The following DNAH7 variants were observed in gnomAD, a reference collection of about 807,000 sequenced individuals.
DNAH7 encodes the protein dynein axonemal heavy chain 7.
In DNAH7, 397 loss-of-function variants were observed where a neutral mutation model predicts 444.6. The ratio of observed to expected loss-of-function variants is 0.89; its 90% CI spans 0.82 to 0.97. The LOEUF (loss-of-function observed/expected upper bound fraction) is 0.97. Among genes scored for constraint, DNAH7 ranks in the 50% least tolerant of loss-of-function variants. The pLI, the probability that DNAH7 is intolerant of heterozygous loss-of-function variation, is 0.00. For synonymous variants in DNAH7, 1,636 were observed against 1,624.4 expected (o/e 1.01, Z -0.17); for missense variants, 4,902 against 4,800.8 (o/e 1.02, Z -0.62).
intron 62 of DNAH7, 116 bp from the exon 63 acceptor site, chr2:195,754,630 C>A: frequency 1.0e-6 from 1 of 976,270 alleles, no homozygotes; most frequent in Non-Finnish European, 1.5e-6. Flanking sequence ...CTCACCTCAG[C>A]CTCCCAAGTA....
chr2:195,934,656 C>G lies in DNAH7; in HGVS notation c.3406G>C (p.Ala1136Pro). 3 of 1,614,108 alleles carry G rather than the reference C, an allele frequency of 1.9e-6. No homozygotes were observed. Among genetic ancestry groups the G allele is most frequent in the Non-Finnish European group, 2.5e-6 (3 of 1,179,976 alleles). ...AACCACTTCTCCACTTGACCTCTGG[C>G]TTTGGCTGTTGAAATAATCTCTATG... ...ELIEIISTAK[A>P]RGQVEKWLVE... Residue 1136 changes from alanine (A) to proline (P), a missense_variant, in exon 21 of 65, where the codon GCC becomes CCC. Ala to Pro is a conservative substitution (Grantham distance 27). Transcript: ENST00000312428.
At chr2:195,749,785 G>T (rs1049725502) in intron 63 of DNAH7, among the ~76,000 whole-genome samples, 1 of 149,446 alleles carries the variant, frequency 6.7e-6, no homozygotes, top group Non-Finnish European at 1.5e-5. Context: ...TGAACAATGA[G>T]GACACATGGA....
intron 15 of DNAH7, among the ~76,000 whole-genome samples, chr2:195,983,508 T>C (rs913560941): frequency 4.6e-5 from 7 of 152,080 alleles, no homozygotes; most frequent in Non-Finnish European, 1.0e-4. Flanking sequence ...TTTTTAATAA[T>C]CAGATCTCAA....
rs1006257307 is a variant in DNAH7, at chr2:195,813,546, T to C, written c.9761+3082A>G. On this transcript the variant is annotated intron_variant, in intron 51 of 64. Coordinates refer to ENST00000312428, the MANE Select transcript of DNAH7 (RefSeq NM_018897.3). ...CAAGTTGCAAAACTACCTCCTGTCATACAGATACGAAAAGTTTGGTTTTCC... is the reference window on the plus strand; with the variant it reads ...CAAGTTGCAAAACTACCTCCTGTCACACAGATACGAAAAGTTTGGTTTTCC... Among the ~76,000 whole-genome samples, 21 of 152,218 alleles carry C rather than the reference T, an allele frequency of 1.4e-4. 1 individual carries two copies. The highest frequency in any genetic ancestry group is 2.6e-4 in the Non-Finnish European group (18 of 68,034).
intron 5 of DNAH7, among the ~76,000 whole-genome samples, chr2:196,035,992 T>C (rs966660065): frequency 1.3e-5 from 2 of 150,562 alleles, no homozygotes; most frequent in Non-Finnish European, 2.9e-5. Context: ...GATTATATCC[T>C]GTCCTTGGTA....
At chr2:196,027,001 T>C in intron 6 of DNAH7, 61 bp from the exon 7 acceptor site, 2 of 1,326,606 alleles carry the variant, frequency 1.5e-6, no homozygotes, top group South Asian at 1.6e-5. Context: ...TTATCAAAAA[T>C]AAAACTACCA....
At chr2:195,875,649 A>G (rs750522501) in intron 38 of DNAH7, 26 bp downstream of exon 38, 2 of 1,533,704 alleles carry the variant, frequency 1.3e-6, no homozygotes, top group African/African-American at 1.4e-5. Flanking sequence ...TTTCCATCTT[A>G]GTAATCACAA....
At chr2:195,895,622 G>A (rs983207902) in intron 29 of DNAH7, among the ~76,000 whole-genome samples, 3 of 152,022 alleles carry the variant, frequency 2.0e-5, no homozygotes, top group Non-Finnish European at 4.4e-5. Flanking sequence ...AAATAAAACC[G>A]TCAAAATAAC....
At chr2:195,956,484 C>G (rs570069448) in intron 19 of DNAH7, among the ~76,000 whole-genome samples, 5 of 152,098 alleles carry the variant, frequency 3.3e-5, no homozygotes, top group African/African-American at 1.2e-4. Context: ...AACCCCATGT[C>G]TACTAAAAAT....
intron 15 of DNAH7, among the ~76,000 whole-genome samples, chr2:195,981,925 C>T (rs1238314903): frequency 6.6e-6 from 1 of 152,186 alleles, no homozygotes; most frequent in African/African-American, 2.4e-5. Context: ...TTGAGTAACA[C>T]ACCACGAGTA....
At chr2:196,045,444 T>A (rs1428420896) in intron 5 of DNAH7, among the ~76,000 whole-genome samples, 1 of 150,218 alleles carries the variant, frequency 6.7e-6, no homozygotes, top group African/African-American at 2.5e-5. Flanking sequence ...AAAAAGAAAA[T>A]GAACCCAGAA....
chr2:195,850,316 G>A (rs1019346325), intron 46 of DNAH7, among the ~76,000 whole-genome samples: 1 of 151,074 alleles, frequency 6.6e-6, no homozygotes, highest in African/African-American at 2.4e-5. Context: ...AGAGAGAGAT[G>A]GTAGAAGTGG....
At chr2:196,049,390 G>C (rs926563966) in intron 3 of DNAH7, among the ~76,000 whole-genome samples, 4 of 152,082 alleles carry the variant, frequency 2.6e-5, no homozygotes, top group Non-Finnish European at 5.9e-5. Context: ...ACTCATAGAA[G>C]CGCTACGAGG....
At chr2:196,060,682 C>T (rs1698087482) in intron 1 of DNAH7, among the ~76,000 whole-genome samples, 1 of 152,192 alleles carries the variant, frequency 6.6e-6, no homozygotes, top group Admixed American at 6.5e-5. Context: ...GATTTTTCTG[C>T]TCCCAATTTC....
In DNAH7 at chr2:195,740,799, C is replaced by T. The variant is rs773430027; in HGVS notation, c.11835G>A (p.Ser3945=). The change falls in exon 64 of 65, where the codon TCG becomes TCA. Residue 3945 remains serine, a synonymous_variant. Transcript: ENST00000312428. ...WNRKIKKLAE[S]HPKILYDTVP... is the part of the protein sequence containing the mutation. Reference sequence around the variant, plus strand: ...CTGTATCATAAAGAATTTTGGGATGCGATTCTGCAAGTTTCTTGATCTTTC... The same window carrying T: ...CTGTATCATAAAGAATTTTGGGATGTGATTCTGCAAGTTTCTTGATCTTTC... 14 of 1,551,914 alleles carry T rather than the reference C, an allele frequency of 9.0e-6. No individual in the cohort carries two copies. The Admixed American group carries it at 1.3e-4, about 14-fold the overall frequency.
intron 59 of DNAH7, among the ~76,000 whole-genome samples, chr2:195,776,191 C>A (rs1204402793): frequency 6.6e-6 from 1 of 152,054 alleles, no homozygotes; most frequent in Non-Finnish European, 1.5e-5. Context: ...CGCCTGTAAT[C>A]CCAGCACTTT....
intron 7 of DNAH7, among the ~76,000 whole-genome samples, chr2:196,026,337 C>T (rs1288390580): frequency 6.6e-6 from 1 of 152,118 alleles, no homozygotes; most frequent in Non-Finnish European, 1.5e-5. Context: ...TACTAATGTT[C>T]ATTGTTAATG....
intron 50 of DNAH7, 34 bp from the exon 51 acceptor site, chr2:195,816,997 G>A (rs761373731): frequency 6.8e-7 from 1 of 1,477,004 alleles, no homozygotes; most frequent in Admixed American, 2.3e-5. Flanking sequence ...AGAAGAAAAA[G>A]AAGTCATTTA....
chr2:196,026,966 T>C, intron 6 of DNAH7, 26 bp from the exon 7 acceptor site: 4 of 1,523,330 alleles, frequency 2.6e-6, no homozygotes, highest in African/African-American at 1.4e-5. Context: ...AGGAAAAATG[T>C]AGATGTTTAA....
Sources: allele counts gnomAD v4.1 joint callset (sites outside exome capture counted in the v4.1 genomes callset), GRCh38; gene constraint gnomAD v4.1.1; transcripts MANE v1.5; gene names NCBI Gene and HGNC (gene_info 2026-07-23, HGNC 2026-07-21).